LRRC8A: variants seen among roughly 807,000 people sequenced by gnomAD.
LRRC8A encodes leucine rich repeat containing 8 VRAC subunit A, also known as volume-regulated anion channel subunit LRRC8A.
Under a neutral mutation model 52.5 loss-of-function variants are expected in LRRC8A, and 24 were observed. That is an observed-to-expected ratio of 0.46 (90% CI 0.33 to 0.64). The LOEUF is 0.64. Among genes scored for constraint, LRRC8A ranks in the 30% least tolerant of loss-of-function variants. The pLI is 0.02. For missense variants in LRRC8A, 677 were observed against 1,094.7 expected (o/e 0.62, Z 5.38); for synonymous variants, 492 against 494.2 (o/e 1.00, Z 0.06).
At position 128,917,869 on chromosome 9, in the gene LRRC8A, AT is replaced by A. The variant is rs1437608861; in HGVS notation, c.*1500del. ...CGTTTTAGAGTCTCTTGTCTTAATG[AT>A]TATGTCCATCCGTCTGTCCGTCCAT... On this transcript the variant is annotated 3_prime_UTR_variant, in exon 4 of 4. Coordinates refer to ENST00000372600, the MANE Select transcript of LRRC8A (RefSeq NM_019594.4). 6.6e-6 allele frequency: 1 copy of A among 152,646 alleles called. No homozygotes were observed. The highest frequency in any genetic ancestry group is 2.4e-5 in the African/African-American group (1 of 41,450). 9.5% of individuals were successfully genotyped at this position (152,646 alleles called of 1,614,324 possible). A position where few individuals can be genotyped will look rare whatever the true frequency, so the allele number is the denominator to read the frequency against.
At chr9:128,904,274 T>G (rs2131002858) in intron 2 of LRRC8A, among the ~76,000 whole-genome samples, 2 of 152,242 alleles carry the variant, frequency 1.3e-5, no homozygotes, top group South Asian at 4.1e-4. Context: ...ATCCCAGCAC[T>G]GTGGGAGGCC....
At chr9:128,905,567 A>G (rs1840212562) in intron 2 of LRRC8A, among the ~76,000 whole-genome samples, 1 of 152,212 alleles carries the variant, frequency 6.6e-6, no homozygotes, top group Non-Finnish European at 1.5e-5. Flanking sequence ...GTTCCCAGCC[A>G]GGCACGGTGG....
chr9:128,907,270 C>A lies in LRRC8A; in HGVS notation c.106C>A (p.Leu36Met). The part of the protein sequence containing the change: ...VFTDYISIVM[L>M]MIAVFGGTLQ... ...CACAGACTACATCTCTATCGTCATG[C>A]TGATGATTGCCGTCTTCGGGGGGAC... Residue 36 changes from leucine (L) to methionine (M), a missense_variant, in exon 3 of 4, where the codon CTG (leucine) becomes ATG (methionine). By Grantham distance (15) the Leu-to-Met change is conservative (BLOSUM62 2). Coordinates refer to ENST00000372600, the MANE Select transcript of LRRC8A (RefSeq NM_019594.4). This position sits in a 1 kb window ranked among gnomAD's most constrained non-coding sequence, Gnocchi z 9.3. 1 of 1,614,116 alleles carries A rather than the reference C, an allele frequency of 6.2e-7. No individual in the cohort carries two copies. The highest frequency in any genetic ancestry group is 8.5e-7 in the Non-Finnish European group (1 of 1,180,032).
At chr9:128,904,830 T>TA (rs1840172558) in intron 2 of LRRC8A, among the ~76,000 whole-genome samples, 1 of 150,686 alleles carries the variant, frequency 6.6e-6, no homozygotes, top group Admixed American at 6.6e-5. Flanking sequence ...CCGTCTCTAC[T>TA]AAAAATACAA....
intron 2 of LRRC8A, among the ~76,000 whole-genome samples, chr9:128,891,717 G>T (rs1839629636): frequency 6.6e-6 from 1 of 152,192 alleles, no homozygotes; most frequent in Non-Finnish European, 1.5e-5. Flanking sequence ...GCCTGATGGG[G>T]TTCCCTGTAG....
chr9:128,915,837 G>A (rs2131072225), intron 3 of LRRC8A, among the ~76,000 whole-genome samples: 1 of 152,292 alleles, frequency 6.6e-6, no homozygotes, highest in East Asian at 1.9e-4. Context: ...GTAACAGATG[G>A]AAGGATGAGC....
chr9:128,914,479 G>A (rs1261408208), intron 3 of LRRC8A, among the ~76,000 whole-genome samples: 1 of 152,230 alleles, frequency 6.6e-6, no homozygotes, highest in Non-Finnish European at 1.5e-5. Context: ...CCCTGTAACT[G>A]AGTGCCATAT....
intron 2 of LRRC8A, among the ~76,000 whole-genome samples, chr9:128,900,342 A>C (rs1050328662): frequency 6.6e-6 from 1 of 152,190 alleles, no homozygotes; most frequent in African/African-American, 2.4e-5. Flanking sequence ...TGGCTTCACT[A>C]GGTGCTGAGG....
Position 128,882,840 on chromosome 9 carries a change from G to A in LRRC8A, c.-116+590G>A, listed in dbSNP as rs886711531. The A allele has an allele frequency of 3.5e-5, 14 of 398,652 alleles. No homozygotes were observed. The Admixed American group carries it at 5.3e-4, about 15-fold the overall frequency. 24.7% of individuals were successfully genotyped at this position (398,652 alleles called of 1,614,324 possible). A position where few individuals can be genotyped will look rare whatever the true frequency, so the allele number is the denominator to read the frequency against. ...ATCTAAGAACCCAGACCCTGTCCCA[G>A]TCCTGTGCATTCAGGTGGGCCCGAG... On this transcript the variant is annotated intron_variant, in intron 1 of 3. Coordinates refer to ENST00000372600, the MANE Select transcript of LRRC8A (RefSeq NM_019594.4).
rs747438929 is a variant in LRRC8A at position 128,908,065 on chromosome 9, A to C, written c.901A>C (p.Ser301Arg). The stretch of plus-strand genomic sequence containing the variant: ...CGTGGACTGCACCGTGGACATTGAG[A>C]GCCTGACGGGCTACCGCACCTACCG... ...FDVDCTVDIE[S>R]LTGYRTYRCA... Residue 301 changes from serine (S) to arginine (R), a missense_variant, in exon 3 of 4, where the codon AGC becomes CGC. Ser to Arg is a moderately radical substitution (Grantham distance 110). Transcript: ENST00000372600. 1.9e-6 allele frequency: 3 copies of C among 1,614,078 alleles called. No homozygotes were observed. The South Asian group carries it at 3.3e-5, about 18-fold the overall frequency.
At chr9:128,885,531 C>T (rs1197045772) in intron 1 of LRRC8A, 2 of 152,286 alleles carry the variant, frequency 1.3e-5, no homozygotes, top group African/African-American at 4.8e-5. Flanking sequence ...TCCCCCGCAG[C>T]AGAGCTCTGA....
At chr9:128,882,913 A>T in intron 1 of LRRC8A, 1 of 397,664 alleles carries the variant, frequency 2.5e-6, no homozygotes, top group Non-Finnish European at 4.4e-6. Flanking sequence ...GCCCTAGGTG[A>T]GCTGGATACC....
Position 128,902,187 on chromosome 9 carries a change from G to A in LRRC8A, c.-8-4970G>A, listed in dbSNP as rs1840053509. Among the ~76,000 whole-genome samples, 1 of 152,146 alleles carries A rather than the reference G, an allele frequency of 6.6e-6. No individual in the cohort carries two copies. The highest frequency in any genetic ancestry group is 1.5e-5 in the Non-Finnish European group (1 of 67,982). On this transcript the variant is annotated intron_variant, in intron 2 of 3. Transcript: ENST00000372600. The surrounding 1 kb of genome is among the most constrained non-coding windows in gnomAD (Gnocchi z 4.1). ...CTGGAGAGAGGAACCTGAAGCAGAA[G>A]TCCCACCTTGATCATTTTTTTTTAC...
At chr9:128,900,165 C>G in intron 2 of LRRC8A, among the ~76,000 whole-genome samples, 1 of 152,206 alleles carries the variant, frequency 6.6e-6, no homozygotes, top group South Asian at 2.1e-4. Flanking sequence ...CCTTCCCTAC[C>G]CCAGCCCCAA....
intron 3 of LRRC8A, among the ~76,000 whole-genome samples, chr9:128,912,387 C>A (rs1000537866): frequency 6.6e-6 from 1 of 151,456 alleles, no homozygotes; most frequent in Non-Finnish European, 1.5e-5. Flanking sequence ...CCCTGAAGAA[C>A]GAGGAGGAGG....
Position 128,908,678 on chromosome 9 carries a change from T to C in LRRC8A, c.1514T>C (p.Ile505Thr). The C allele has an allele frequency of 1.9e-6, 3 of 1,612,878 alleles. No individual in the cohort carries two copies. The highest frequency in any genetic ancestry group is 2.5e-6 in the Non-Finnish European group (3 of 1,179,992). ...LRALHIKFTD[I>T]KEIPLWIYSL... Reference sequence around the variant, plus strand: ...GCGCTGCACATCAAGTTCACCGACATCAAGGAGATCCCGCTGTGGATCTAT... The same window carrying C: ...GCGCTGCACATCAAGTTCACCGACACCAAGGAGATCCCGCTGTGGATCTAT... The change falls in exon 3 of 4, where the codon ATC becomes ACC. Residue 505 changes from isoleucine to threonine, a missense_variant. Ile to Thr is a moderately conservative substitution (Grantham distance 89). Coordinates refer to ENST00000372600, the MANE Select transcript of LRRC8A (RefSeq NM_019594.4).
chr9:128,893,054 G>A (rs1839687955), intron 2 of LRRC8A, among the ~76,000 whole-genome samples: 2 of 152,170 alleles, frequency 1.3e-5, no homozygotes, highest in African/African-American at 4.8e-5. Context: ...TGGGCAGCTT[G>A]TCATTTCTTG....
intron 2 of LRRC8A, among the ~76,000 whole-genome samples, chr9:128,895,995 G>A (rs541677510): frequency 1.3e-5 from 2 of 152,318 alleles, no homozygotes; most frequent in East Asian, 3.9e-4. Flanking sequence ...ACACATGCAC[G>A]CACGCACACA....
At chr9:128,914,345 G>A (rs1460150512) in intron 3 of LRRC8A, among the ~76,000 whole-genome samples, 3 of 152,160 alleles carry the variant, frequency 2.0e-5, no homozygotes, top group Non-Finnish European at 4.4e-5. Context: ...TGCCCGTGAG[G>A]TTGAGGTCCG....
Sources: allele counts gnomAD v4.1 joint callset (sites outside exome capture counted in the v4.1 genomes callset), GRCh38; gene constraint gnomAD v4.1.1; non-coding constraint Gnocchi (gnomAD v3.1); transcripts MANE v1.5; gene names NCBI Gene and HGNC (gene_info 2026-07-23, HGNC 2026-07-21).